The following ELP4 variants were observed in gnomAD, a reference collection of about 807,000 sequenced individuals.
The protein encoded by ELP4 is elongator complex protein 4.
Under a neutral mutation model 48.9 loss-of-function variants are expected in ELP4, and 51 were observed. The ratio of observed to expected loss-of-function variants is 1.04; its 90% CI spans 0.83 to 1.32. The LOEUF (loss-of-function observed/expected upper bound fraction) is 1.32. Ranked by LOEUF, ELP4 falls within the 40% of genes most tolerant of loss-of-function variation. ELP4 has a pLI of 0.00. For synonymous variants in ELP4, 210 were observed against 189.2 expected (o/e 1.11, Z -0.90); for missense variants, 519 against 514.6 (o/e 1.01, Z -0.08).
chr11:31,643,990 A>G (rs1040796735), intron 7 of ELP4, among the ~76,000 whole-genome samples: 1 of 151,812 alleles, frequency 6.6e-6, no homozygotes, highest in Non-Finnish European at 1.5e-5. Flanking sequence ...ACTTAATACA[A>G]TGCTATTTGA....
intron 3 of ELP4, among the ~76,000 whole-genome samples, chr11:31,555,958 A>G (rs1956924527): frequency 6.6e-6 from 1 of 151,944 alleles, no homozygotes; most frequent in Admixed American, 6.6e-5. Context: ...ATTTTATGAT[A>G]TATGATTGGG....
intron 3 of ELP4, among the ~76,000 whole-genome samples, chr11:31,554,052 C>G (rs952740219): frequency 1.3e-5 from 2 of 152,170 alleles, no homozygotes. Context: ...TTACGCACTC[C>G]GAATGAGAAT....
intron 9 of ELP4, among the ~76,000 whole-genome samples, chr11:31,712,000 A>G (rs919939775): frequency 6.6e-6 from 1 of 151,934 alleles, no homozygotes; most frequent in African/African-American, 2.4e-5. Flanking sequence ...GCCAAGCCCA[A>G]TTTCTTCTAA....
chr11:31,543,780 T>G (rs751095790), intron 3 of ELP4, among the ~76,000 whole-genome samples: 38 of 152,164 alleles, frequency 2.5e-4, no homozygotes, highest in Non-Finnish European at 5.3e-4. Flanking sequence ...GGAGGAAGTC[T>G]TTAAAATGCT....
chr11:31,668,616 G>A (rs926033352), intron 9 of ELP4, among the ~76,000 whole-genome samples: 3 of 146,714 alleles, frequency 2.0e-5, no homozygotes, highest in African/African-American at 7.5e-5. Flanking sequence ...GTTCGCCACC[G>A]CACCTAGCTG....
chr11:31,544,257 G>T (rs1956649965), intron 3 of ELP4, among the ~76,000 whole-genome samples: 1 of 152,222 alleles, frequency 6.6e-6, no homozygotes, highest in African/African-American at 2.4e-5. Context: ...CAAAGAAAGG[G>T]GTGACAGACG....
chr11:31,736,661 G>A (rs970236393), intron 9 of ELP4, among the ~76,000 whole-genome samples: 3 of 152,178 alleles, frequency 2.0e-5, no homozygotes, highest in Non-Finnish European at 2.9e-5. Context: ...CAAAAAGTGG[G>A]CAAAGGATCT....
intron 5 of ELP4, among the ~76,000 whole-genome samples, chr11:31,616,184 A>G (rs1461992693): frequency 2.0e-5 from 3 of 152,054 alleles, no homozygotes; most frequent in Admixed American, 6.6e-5. Context: ...AACATGTTAC[A>G]TAGCTACAGT....
At chr11:31,584,116 A>C (rs2133975892) in intron 3 of ELP4, among the ~76,000 whole-genome samples, 1 of 152,252 alleles carries the variant, frequency 6.6e-6, no homozygotes, top group East Asian at 1.9e-4. Flanking sequence ...AGAAAAAGGC[A>C]ATTGGGAAAA....
At chr11:31,589,829 C>CA in intron 3 of ELP4, among the ~76,000 whole-genome samples, 1 of 152,078 alleles carries the variant, frequency 6.6e-6, no homozygotes, top group Non-Finnish European at 1.5e-5. Flanking sequence ...CACTTGTCCA[C>CA]AAAAAACATC....
chr11:31,550,457 G>A (rs973478717), intron 3 of ELP4, among the ~76,000 whole-genome samples: 1 of 152,162 alleles, frequency 6.6e-6, no homozygotes, highest in Non-Finnish European at 1.5e-5. Flanking sequence ...GCTCCATCAA[G>A]TTCAAGACAC....
At chr11:31,757,536 T>G (rs1485688533) in intron 9 of ELP4, among the ~76,000 whole-genome samples, 1 of 152,162 alleles carries the variant, frequency 6.6e-6, no homozygotes, top group East Asian at 1.9e-4. Flanking sequence ...ACAGAAGCTC[T>G]TCAGCTTGCC....
At chr11:31,693,563 G>T (rs541510198) in intron 9 of ELP4, among the ~76,000 whole-genome samples, 1 of 152,200 alleles carries the variant, frequency 6.6e-6, no homozygotes, top group African/African-American at 2.4e-5. Context: ...GTCTATCATT[G>T]ATGGACATTT....
At chr11:31,543,002 A>G (rs906502589) in intron 3 of ELP4, among the ~76,000 whole-genome samples, 1 of 152,232 alleles carries the variant, frequency 6.6e-6, no homozygotes, top group African/African-American at 2.4e-5. Flanking sequence ...AGTGACTGCA[A>G]TGAAAAATAC....
chr11:31,737,689 C>A (rs1331541890), intron 9 of ELP4, among the ~76,000 whole-genome samples: 1 of 152,040 alleles, frequency 6.6e-6, no homozygotes, highest in Non-Finnish European at 1.5e-5. Flanking sequence ...ATCGACATTT[C>A]TTCAAAGAAG....
At chr11:31,651,145 C>T (rs1338611946) in intron 9 of ELP4, 1 of 151,646 alleles carries the variant, frequency 6.6e-6, no homozygotes, top group African/African-American at 2.4e-5. Flanking sequence ...CTTAAGTGAC[C>T]ACTTTGGCCC....
chr11:31,729,056 C>T (rs1435101116), intron 9 of ELP4, among the ~76,000 whole-genome samples: 2 of 152,136 alleles, frequency 1.3e-5, no homozygotes, highest in African/African-American at 4.8e-5. Flanking sequence ...GTATTCCTGG[C>T]TCTCTTTCTC....
At chr11:31,624,111 T>C (rs934549702) in intron 5 of ELP4, among the ~76,000 whole-genome samples, 3 of 151,812 alleles carry the variant, frequency 2.0e-5, no homozygotes, top group Non-Finnish European at 4.4e-5. Context: ...GGTGGAAATA[T>C]AAATTAGAAC....
intron 9 of ELP4, among the ~76,000 whole-genome samples, chr11:31,708,300 G>C (rs1379188686): frequency 5.9e-5 from 9 of 152,098 alleles, no homozygotes; most frequent in African/African-American, 2.2e-4. Context: ...TTTCATCTCA[G>C]ATGGTTTTCA....
Sources: gnomAD v4.1 joint callset for allele counts (sites outside exome capture counted in the v4.1 genomes callset) on GRCh38, gnomAD v4.1.1 for gene constraint, MANE v1.5 for transcripts, NCBI Gene and HGNC (gene_info 2026-07-23, HGNC 2026-07-21) for gene names.